The following GMDS variants were observed in gnomAD, a reference collection of about 807,000 sequenced individuals.
GMDS encodes the protein GDP-mannose 4,6-dehydratase.
A neutral mutation model predicts 49.9 loss-of-function variants in GMDS; 20 were observed. The ratio of observed to expected loss-of-function variants is 0.40; its 90% CI spans 0.28 to 0.58. The LOEUF is 0.58. Ranked by LOEUF, GMDS falls within the 20% of genes least tolerant of loss-of-function variation. GMDS has a pLI of 0.42. For synonymous variants in GMDS, 177 were observed against 178.6 expected (o/e 0.99, Z 0.07); for missense variants, 362 against 481.4 (o/e 0.75, Z 2.32).
At chr6:1,819,998 C>T (rs1181424752) in intron 7 of GMDS, among the ~76,000 whole-genome samples, 2 of 151,744 alleles carry the variant, frequency 1.3e-5, no homozygotes, top group African/African-American at 4.8e-5. Context: ...TACACAATAA[C>T]TACATATATC....
chr6:1,693,865 C>T (rs903172479), intron 9 of GMDS, among the ~76,000 whole-genome samples: 1 of 152,274 alleles, frequency 6.6e-6, no homozygotes, highest in South Asian at 2.1e-4. Flanking sequence ...GCTTTATGTA[C>T]ATTTTTCTTA....
At chr6:1,966,556 A>G (rs1177086507) in intron 4 of GMDS, among the ~76,000 whole-genome samples, 4 of 152,176 alleles carry the variant, frequency 2.6e-5, no homozygotes, top group Admixed American at 1.3e-4. Context: ...CCCCGACTCT[A>G]GCCCTGGGCT....
chr6:2,033,876 T>C (rs1581547501), intron 4 of GMDS, among the ~76,000 whole-genome samples: 1 of 152,214 alleles, frequency 6.6e-6, no homozygotes, highest in African/African-American at 2.4e-5. Flanking sequence ...GTTTCTAATA[T>C]GGCCTATTTG....
At chr6:2,156,554 ATTTCT>A (rs1777123198) in intron 1 of GMDS, among the ~76,000 whole-genome samples, 1 of 152,192 alleles carries the variant, frequency 6.6e-6, no homozygotes, top group Non-Finnish European at 1.5e-5. Flanking sequence ...GTCTTAGAAC[ATTTCT>A]TTGATAACTA....
At chr6:2,198,453 T>C (rs1304157822) in intron 1 of GMDS, among the ~76,000 whole-genome samples, 1 of 152,148 alleles carries the variant, frequency 6.6e-6, no homozygotes, top group Non-Finnish European at 1.5e-5. Flanking sequence ...TCTGTTTTTC[T>C]TTTCTAAAAT....
chr6:1,910,339 G>A (rs754410936), intron 7 of GMDS, among the ~76,000 whole-genome samples: 6 of 151,366 alleles, frequency 4.0e-5, no homozygotes, highest in Admixed American at 6.6e-5. Context: ...ATGATACTGG[G>A]CTTTATAAAT....
intron 4 of GMDS, among the ~76,000 whole-genome samples, chr6:1,964,376 G>C (rs1764140290): frequency 6.6e-6 from 1 of 152,168 alleles, no homozygotes; most frequent in Non-Finnish European, 1.5e-5. Context: ...TATTTGTTAA[G>C]TACTCAGTAC....
At chr6:1,662,092 G>A (rs1581427008) in intron 9 of GMDS, among the ~76,000 whole-genome samples, 1 of 152,136 alleles carries the variant, frequency 6.6e-6, no homozygotes, top group South Asian at 2.1e-4. Context: ...AAGGCATTGT[G>A]CGGGACTGGG....
intron 7 of GMDS, among the ~76,000 whole-genome samples, chr6:1,889,498 G>C (rs770787741): frequency 6.6e-6 from 1 of 152,032 alleles, no homozygotes; most frequent in South Asian, 2.1e-4. Context: ...TCACTTCCAC[G>C]GCTTCGACTA....
intron 7 of GMDS, among the ~76,000 whole-genome samples, chr6:1,837,471 T>C (rs1033934525): frequency 6.6e-6 from 1 of 152,226 alleles, no homozygotes; most frequent in Non-Finnish European, 1.5e-5. Context: ...GTTACTTGCA[T>C]ACACGATGCT....
chr6:2,239,595 C>A (rs540729173), intron 1 of GMDS, among the ~76,000 whole-genome samples: 1 of 152,138 alleles, frequency 6.6e-6, no homozygotes, highest in Non-Finnish European at 1.5e-5. Flanking sequence ...CTCTGATTCC[C>A]AGTCCAGAGC....
intron 4 of GMDS, among the ~76,000 whole-genome samples, chr6:1,996,544 G>A (rs531140248): frequency 6.6e-6 from 1 of 152,294 alleles, no homozygotes; most frequent in Admixed American, 6.5e-5. Context: ...GGCTAGCGTA[G>A]TATCCTAACA....
At chr6:1,731,614 T>C (rs1008931254) in intron 8 of GMDS, among the ~76,000 whole-genome samples, 3 of 152,222 alleles carry the variant, frequency 2.0e-5, no homozygotes, top group African/African-American at 7.2e-5. Context: ...ATTATTAATT[T>C]TGAGATTGGA....
chr6:2,157,561 C>G (rs1479592605), intron 1 of GMDS, among the ~76,000 whole-genome samples: 1 of 152,152 alleles, frequency 6.6e-6, no homozygotes, highest in Non-Finnish European at 1.5e-5. Context: ...GTTGCCTTAA[C>G]CAGACCAGAG....
chr6:1,795,518 G>A (rs761399525), intron 7 of GMDS, among the ~76,000 whole-genome samples: 18 of 152,062 alleles, frequency 1.2e-4, no homozygotes, highest in Non-Finnish European at 2.2e-4. Flanking sequence ...GTATCTATGC[G>A]TGCCTCATAA....
intron 4 of GMDS, among the ~76,000 whole-genome samples, chr6:1,989,275 T>C (rs1158064111): frequency 6.6e-6 from 1 of 152,014 alleles, no homozygotes; most frequent in Non-Finnish European, 1.5e-5. Context: ...ATACTCTTGG[T>C]GTGAGGAAGA....
chr6:2,127,408 T>TA lies in GMDS; in HGVS notation c.103-2678dup, dbSNP rs3839607. Among the ~76,000 whole-genome samples, 289 of 149,746 alleles carry TA rather than the reference T, an allele frequency of 1.9e-3. 3 individuals carry two copies. Among genetic ancestry groups the TA allele is most frequent in the African/African-American group, 4.4e-3 (177 of 40,432 alleles). On this transcript the variant is annotated intron_variant, in intron 1 of 10. Coordinates refer to ENST00000380815, the MANE Select transcript of GMDS (RefSeq NM_001500.4). ...TTCTACCATAGCTACATTAAATGTT[T>TA]AAAAAAAAAAAAGCCAGAGGTAAAC...
Position 1,652,707 on chromosome 6 carries a change from T to G in GMDS, c.988-28167A>C, listed in dbSNP as rs1197659427. ...ATTTATATATAATATATTATATATA[T>G]ATATATATATATAGAGAGAGAGAGA... is the stretch of plus-strand genomic sequence containing the variant. On this transcript the variant is annotated intron_variant, in intron 9 of 10. Coordinates refer to ENST00000380815, the MANE Select transcript of GMDS (RefSeq NM_001500.4). Among the ~76,000 whole-genome samples the G allele has an allele frequency of 2.2e-4, 4 of 18,540 alleles. 1 individual carries two copies. The highest frequency in any genetic ancestry group is 1.2e-3 in the South Asian group (1 of 838). 12.2% of individuals were successfully genotyped at this position (18,540 alleles called of 152,430 possible).
intron 1 of GMDS, among the ~76,000 whole-genome samples, chr6:2,220,934 G>T (rs894645529): frequency 2.0e-5 from 3 of 152,138 alleles, no homozygotes; most frequent in African/African-American, 7.2e-5. Context: ...CCAAGCATTT[G>T]GGGAGGCCAA....
Sources: allele counts gnomAD v4.1 joint callset (sites outside exome capture counted in the v4.1 genomes callset), GRCh38; gene constraint gnomAD v4.1.1; transcripts MANE v1.5; gene names NCBI Gene and HGNC (gene_info 2026-07-23, HGNC 2026-07-21).